TPST1: variants seen among roughly 807,000 people sequenced by gnomAD.
The protein encoded by TPST1 is protein-tyrosine sulfotransferase 1.
TPST1 carries 20 observed loss-of-function variants against 34.8 expected under a neutral mutation model. The ratio of observed to expected loss-of-function variants is 0.57; its 90% CI spans 0.40 to 0.84. TPST1 has a LOEUF of 0.84. Ranked by LOEUF, TPST1 falls within the 40% of genes least tolerant of loss-of-function variation. The pLI is 0.00. For synonymous variants in TPST1, 152 were observed against 159.4 expected (o/e 0.95, Z 0.35); for missense variants, 353 against 455.5 (o/e 0.78, Z 2.05).
chr7:66,255,685 A>G (rs920887207), intron 2 of TPST1, among the ~76,000 whole-genome samples: 12 of 152,186 alleles, frequency 7.9e-5, no homozygotes, highest in African/African-American at 2.7e-4. Flanking sequence ...TATTTTCACA[A>G]TGGTACTAAG....
At chr7:66,235,342 A>G (rs1273425666) in intron 1 of TPST1, among the ~76,000 whole-genome samples, 1 of 151,974 alleles carries the variant, frequency 6.6e-6, no homozygotes, top group Admixed American at 6.6e-5. Flanking sequence ...CAATTATCTT[A>G]ATACTTTTTT....
At chr7:66,312,569 A>G (rs1307462390) in intron 3 of TPST1, among the ~76,000 whole-genome samples, 1 of 152,196 alleles carries the variant, frequency 6.6e-6, no homozygotes, top group Non-Finnish European at 1.5e-5. Context: ...TTAAAAATCT[A>G]TTAAAATATC....
At chr7:66,280,487 G>C (rs1790911053) in intron 2 of TPST1, among the ~76,000 whole-genome samples, 3 of 152,194 alleles carry the variant, frequency 2.0e-5, no homozygotes, top group Non-Finnish European at 4.4e-5. Flanking sequence ...AAACTTTACT[G>C]AAGTTGTTTA....
chr7:66,305,559 C>T (rs531548076), intron 3 of TPST1, among the ~76,000 whole-genome samples: 134 of 152,214 alleles, frequency 8.8e-4, no homozygotes, highest in African/African-American at 3.1e-3. Flanking sequence ...CCTTGATAAT[C>T]GGGATCAATC....
At chr7:66,270,065 A>G (rs769350384) in intron 2 of TPST1, among the ~76,000 whole-genome samples, 1 of 152,202 alleles carries the variant, frequency 6.6e-6, no homozygotes, top group Non-Finnish European at 1.5e-5. Flanking sequence ...AGTCTCATTG[A>G]GAAGGTGATA....
chr7:66,315,600 A>G (rs557424148), intron 3 of TPST1, among the ~76,000 whole-genome samples: 134 of 152,324 alleles, frequency 8.8e-4, no homozygotes, highest in African/African-American at 3.1e-3. Context: ...TTAATGTGAC[A>G]AGACAAGAAA....
intron 2 of TPST1, among the ~76,000 whole-genome samples, chr7:66,268,703 C>T (rs966028344): frequency 1.1e-4 from 16 of 151,434 alleles, no homozygotes; most frequent in African/African-American, 2.9e-4. Context: ...CAACTGTAAA[C>T]GATTTTTTTT....
At chr7:66,254,215 A>C (rs1241161637) in intron 2 of TPST1, among the ~76,000 whole-genome samples, 1 of 152,112 alleles carries the variant, frequency 6.6e-6, no homozygotes, top group African/African-American at 2.4e-5. Context: ...CATTCTTAAA[A>C]TATTAAGCCA....
intron 3 of TPST1, among the ~76,000 whole-genome samples, chr7:66,295,869 G>T (rs1791182147): frequency 6.6e-6 from 1 of 152,054 alleles, no homozygotes; most frequent in South Asian, 2.1e-4. Context: ...TCAAACTCCT[G>T]ACCTCAAGTG....
chr7:66,354,257 G>A (rs952300273), intron 4 of TPST1, among the ~76,000 whole-genome samples: 3 of 152,098 alleles, frequency 2.0e-5, no homozygotes, highest in Non-Finnish European at 4.4e-5. Context: ...GACTGACACC[G>A]GCTGTGGAAA....
At chr7:66,349,172 C>T (rs1792417940) in intron 3 of TPST1, among the ~76,000 whole-genome samples, 1 of 152,148 alleles carries the variant, frequency 6.6e-6, no homozygotes, top group African/African-American at 2.4e-5. Flanking sequence ...GCCACTGACA[C>T]CTGTATGACT....
At chr7:66,211,872 A>G (rs957633304) in intron 1 of TPST1, among the ~76,000 whole-genome samples, 1 of 152,214 alleles carries the variant, frequency 6.6e-6, no homozygotes, top group African/African-American at 2.4e-5. Context: ...AGGCTGAGGC[A>G]GGAGAATCCC....
At chr7:66,303,342 T>G (rs1372415823) in intron 3 of TPST1, among the ~76,000 whole-genome samples, 9 of 152,132 alleles carry the variant, frequency 5.9e-5, no homozygotes, top group Non-Finnish European at 1.5e-5. Flanking sequence ...TCTCTTAAGA[T>G]ATGGTCAGTG....
chr7:66,236,499 G>C (rs956654759), intron 1 of TPST1, among the ~76,000 whole-genome samples: 2 of 152,002 alleles, frequency 1.3e-5, no homozygotes, highest in African/African-American at 4.8e-5. Flanking sequence ...CTTTATTTAA[G>C]TATATATACT....
chr7:66,282,410 G>T (rs1790949733), intron 2 of TPST1, among the ~76,000 whole-genome samples: 1 of 152,206 alleles, frequency 6.6e-6, no homozygotes, highest in Non-Finnish European at 1.5e-5. Context: ...GGAACAAATG[G>T]CCATGGTTAT....
chr7:66,316,051 G>A (rs768079862), intron 3 of TPST1, among the ~76,000 whole-genome samples: 2 of 151,398 alleles, frequency 1.3e-5, no homozygotes, highest in Non-Finnish European at 2.9e-5. Flanking sequence ...CGGAGGTTGC[G>A]GTGAGCCAAA....
rs180804707 is a variant in TPST1 at position 66,258,326 on chromosome 7, G to A, written c.845+17056G>A. Among the ~76,000 whole-genome samples, 167 of 152,216 alleles carry A rather than the reference G, an allele frequency of 1.1e-3. 1 individual carries two copies. Among genetic ancestry groups the A allele is most frequent in the African/African-American group, 3.9e-3 (162 of 41,540 alleles). On this transcript the variant is annotated intron_variant, in intron 2 of 5. Coordinates refer to ENST00000304842, the MANE Select transcript of TPST1 (RefSeq NM_003596.4). ...TTTTGTTTTGGTAGACTGTCAGGCT[G>A]GTTAGGTTCTAAACCACAAGTTTTC...
chr7:66,293,263 C>T (rs1791124605), intron 3 of TPST1, among the ~76,000 whole-genome samples: 1 of 151,740 alleles, frequency 6.6e-6, no homozygotes, highest in Non-Finnish European at 1.5e-5. Context: ...AGTTTCAGCA[C>T]TTTGGAAGGC....
chr7:66,268,563 AAATAG>A (rs749098123), intron 2 of TPST1, among the ~76,000 whole-genome samples: 11 of 152,240 alleles, frequency 7.2e-5, no homozygotes, highest in Middle Eastern at 3.2e-3. Context: ...AAATAGAGAA[AAATAG>A]AATAGGATAA....
Sources: allele counts gnomAD v4.1 joint callset (sites outside exome capture counted in the v4.1 genomes callset), GRCh38; gene constraint gnomAD v4.1.1; transcripts MANE v1.5; gene names NCBI Gene and HGNC (gene_info 2026-07-23, HGNC 2026-07-21).